The following POLR3B variants were observed in gnomAD, a reference collection of about 807,000 sequenced individuals.
POLR3B encodes RNA polymerase III subunit B, also known as DNA-directed RNA polymerase III subunit RPC2.
In POLR3B, 96 loss-of-function variants were observed where a neutral mutation model predicts 147.4. The ratio of observed to expected loss-of-function variants is 0.65; its 90% confidence interval spans 0.55 to 0.77. POLR3B has a LOEUF of 0.77. POLR3B is among the 30% of genes least tolerant of loss of function. The pLI is 0.00. For missense variants in POLR3B, 1,036 were observed against 1,413.5 expected, an observed-to-expected ratio of 0.73 and a Z score of 4.28; for synonymous variants, 461 against 485.9, an observed-to-expected ratio of 0.95 and a Z score of 0.67.
At chr12:106,371,830 C>T (rs2036612011) in intron 6 of POLR3B, among the ~76,000 whole-genome samples, 2 of 150,658 alleles carry the variant, frequency 1.3e-5, no homozygotes, top group Admixed American at 1.3e-4. Context: ...AGGAGATATA[C>T]CTAATGCTAA....
In POLR3B at chr12:106,436,910, C is replaced by G. The variant is rs1373364830; in HGVS notation, c.1782-147C>G. 7.1e-6 allele frequency: 5 copies of G among 701,584 alleles called. No homozygotes were observed. The Admixed American group carries it at 8.1e-5, about 11-fold the overall frequency. The allele number at this position is 701,584 out of a possible 1,614,324, so 43.5% of individuals were successfully genotyped here. A position where few individuals can be genotyped will look rare whatever the true frequency, so the allele number is the denominator to read the frequency against. On this transcript the variant is annotated intron_variant, in intron 16 of 27. Transcript: ENST00000228347. ...CATAGTCCCCTACACCATGCTCATC[C>G]ATACAAAAATTACCTGGTGTCCTCA...
At chr12:106,494,059 A>G (rs1190682041) in intron 23 of POLR3B, among the ~76,000 whole-genome samples, 1 of 152,196 alleles carries the variant, frequency 6.6e-6, no homozygotes, top group Non-Finnish European at 1.5e-5. Flanking sequence ...TGATAAGAAA[A>G]CAACTTCCCC....
chr12:106,435,815 T>G (rs576158773), intron 16 of POLR3B, among the ~76,000 whole-genome samples: 3 of 152,178 alleles, frequency 2.0e-5, no homozygotes, highest in Non-Finnish European at 2.9e-5. Flanking sequence ...TAGGATTTCA[T>G]TACATCCAAC....
At chr12:106,501,009 A>T (rs1401931778) in intron 25 of POLR3B, among the ~76,000 whole-genome samples, 1 of 152,176 alleles carries the variant, frequency 6.6e-6, no homozygotes, top group Non-Finnish European at 1.5e-5. Flanking sequence ...TAATTAGAAG[A>T]TTATCTGTGG....
Position 106,358,074 on chromosome 12 carries a change from G to T in POLR3B, c.72+123G>T, listed in dbSNP as rs1404572402. The T allele has an allele frequency of 3.2e-6, 5 of 1,541,160 alleles. No individual in the cohort carries two copies. In the East Asian group the frequency reaches 7.2e-5, roughly 22 times the overall value. On this transcript the variant is annotated intron_variant, in intron 1 of 27. Transcript: ENST00000228347. ...TTGTGCGCATGCGCCGGGCTTCTGC[G>T]CATGCCCAGAGCGTCGCGCTTGCGA...
In POLR3B at chr12:106,427,311, A is replaced by G. The variant is rs759073982; in HGVS notation, c.1216A>G (p.Met406Val). 5.0e-6 allele frequency: 8 copies of G among 1,613,646 alleles called. No individual in the cohort carries two copies. The highest frequency in any genetic ancestry group is 6.8e-6 in the Non-Finnish European group (8 of 1,179,672). ...RAAQFDVVKH[M>V]RQDQITNGMV... is the part of the protein sequence containing the mutation. The stretch of plus-strand genomic sequence containing the variant: ...AGCCCAGTTTGATGTTGTCAAACAC[A>G]TGCGCCAAGACCAGATCACCAATGG... Residue 406 changes from methionine (M) to valine (V), a missense_variant, in exon 13 of 28, where the codon ATG (methionine) becomes GTG (valine). Coordinates refer to ENST00000228347, the MANE Select transcript of POLR3B (RefSeq NM_018082.6).
intron 6 of POLR3B, among the ~76,000 whole-genome samples, chr12:106,370,057 A>G (rs1330879061): frequency 1.3e-5 from 2 of 152,014 alleles, no homozygotes; most frequent in Non-Finnish European, 2.9e-5. Flanking sequence ...TTTAAGGGAG[A>G]AGTTACTTAT....
chr12:106,376,883 G>A (rs1036251326), intron 7 of POLR3B, among the ~76,000 whole-genome samples: 8 of 152,148 alleles, frequency 5.3e-5, no homozygotes, highest in East Asian at 1.9e-4. Context: ...GATTACAGGC[G>A]TGAACCACTG....
chr12:106,496,528 C>T, intron 24 of POLR3B: 1 of 606,666 alleles, frequency 1.6e-6, no homozygotes, highest in Non-Finnish European at 2.9e-6. Context: ...TTATCCTTCC[C>T]ATACTTCAGT....
chr12:106,393,036 G>T lies in POLR3B; in HGVS notation c.729G>T (p.Met243Ile). The change falls in exon 10 of 28, where the codon ATG becomes ATT. Residue 243 changes from methionine (M) to isoleucine (I), a missense_variant. Around this residue, in one of 12 missense-constraint regions of POLR3B, gnomAD observed 217 missense variants for 288.7 expected, o/e 0.75. Transcript: ENST00000228347. ...DIPIVIIFKA[M>I]GVESDQEIVQ... ...ATCTTTTCTTTCCTTCCTAGGCCAT[G>T]GGTGTTGAGAGTGACCAGGAAATTG... 1 of 1,614,156 alleles carries T rather than the reference G, an allele frequency of 6.2e-7. No homozygotes were observed. The highest frequency in any genetic ancestry group is 8.5e-7 in the Non-Finnish European group (1 of 1,179,996).
At chr12:106,436,287 C>T (rs1028598589) in intron 16 of POLR3B, among the ~76,000 whole-genome samples, 5 of 152,350 alleles carry the variant, frequency 3.3e-5, no homozygotes, top group Non-Finnish European at 7.3e-5. Flanking sequence ...CAGCCCTTGA[C>T]GTTTCAGTGC....
Position 106,409,346 on chromosome 12 carries a change from G to GTTTTTT in POLR3B, c.967-1477_967-1472dup, listed in dbSNP as rs138257827. ...TAACTGGTGTTACGATTGTAAGAGG[G>GTTTTTT]TTTTTTTTGTTTTTTTTTTTTTTTT... On this transcript the variant is annotated intron_variant, in intron 11 of 27. Coordinates refer to ENST00000228347, the MANE Select transcript of POLR3B (RefSeq NM_018082.6). 3.3e-3 allele frequency among the ~76,000 whole-genome samples: 222 copies of GTTTTTT among 67,454 alleles called. 31 individuals carry two copies. The highest frequency in any genetic ancestry group is 8.1e-3 in the African/African-American group (100 of 12,380). 44.3% of individuals were successfully genotyped at this position (67,454 alleles called of 152,430 possible).
At chr12:106,496,959 T>G in intron 25 of POLR3B, 41 bp downstream of exon 25, 1 of 1,584,106 alleles carries the variant, frequency 6.3e-7, no homozygotes, top group Non-Finnish European at 8.7e-7. Context: ...AAAGAATGGT[T>G]TTACTAGGAT....
intron 8 of POLR3B, 100 bp from the exon 9 acceptor site, chr12:106,379,929 GAT>G (rs2036736075): frequency 4.1e-6 from 3 of 733,466 alleles, no homozygotes; most frequent in Non-Finnish European, 7.4e-6. Flanking sequence ...GATTGTTGTT[GAT>G]CAGTTGACCC....
intron 23 of POLR3B, among the ~76,000 whole-genome samples, chr12:106,472,995 AG>A (rs1357916289): frequency 9.8e-6 from 1 of 102,248 alleles, no homozygotes; most frequent in African/African-American, 5.2e-5. Flanking sequence ...TTATGGTTTT[AG>A]GTCTAACGTT....
intron 10 of POLR3B, among the ~76,000 whole-genome samples, chr12:106,401,579 C>A (rs1206501487): frequency 9.2e-5 from 14 of 152,154 alleles, no homozygotes; most frequent in Admixed American, 8.5e-4. Flanking sequence ...TACTGGCAAA[C>A]CGAATCCAGC....
intron 16 of POLR3B, among the ~76,000 whole-genome samples, chr12:106,435,521 C>T (rs1013678557): frequency 2.6e-5 from 4 of 152,130 alleles, no homozygotes; most frequent in East Asian, 1.9e-4. Flanking sequence ...TCTTTGCAAC[C>T]GAAGAATGGT....
Position 106,509,783 on chromosome 12 carries a change from T to G in POLR3B, c.*234T>G. On this transcript the variant is annotated 3_prime_UTR_variant, in exon 28 of 28. Coordinates refer to ENST00000228347, the MANE Select transcript of POLR3B (RefSeq NM_018082.6). ...CTGACCATGTGGACTGCAAGGCTGC[T>G]TGATTCACAGATGGATGTGACCTAA... is the stretch of plus-strand genomic sequence containing the variant. 6.6e-6 allele frequency: 3 copies of G among 456,974 alleles called. No individual in the cohort carries two copies. The highest frequency in any genetic ancestry group is 1.2e-5 in the Non-Finnish European group (3 of 247,542). The allele number at this position is 456,974 out of a possible 1,614,324, so 28.3% of individuals were successfully genotyped here. A position where few individuals can be genotyped will look rare whatever the true frequency, so the allele number is the denominator to read the frequency against.
At chr12:106,391,744 A>G (rs1593014117) in intron 9 of POLR3B, among the ~76,000 whole-genome samples, 1 of 152,304 alleles carries the variant, frequency 6.6e-6, no homozygotes, top group Non-Finnish European at 1.5e-5. Flanking sequence ...AACACCTCAG[A>G]TCTCTGGACT....
Sources: gnomAD v4.1 joint callset for allele counts (sites outside exome capture counted in the v4.1 genomes callset) on GRCh38, gnomAD v4.1.1 for gene constraint, gnomAD v4.1.1 regional missense constraint, MANE v1.5 for transcripts, NCBI Gene and HGNC (gene_info 2026-07-23, HGNC 2026-07-21) for gene names.